RBFOX1: variants seen among roughly 807,000 people sequenced by gnomAD.
RBFOX1 encodes the protein RNA binding protein fox-1 homolog 1.
A neutral mutation model predicts 57.7 loss-of-function variants in RBFOX1; 8 were observed. That is an observed-to-expected ratio of 0.14 (90% CI 0.08 to 0.25). The LOEUF (loss-of-function observed/expected upper bound fraction) is 0.25, where lower values mean the gene tolerates loss of function less well. RBFOX1 is among the 10% of genes least tolerant of loss of function. The probability of loss-of-function intolerance (pLI) is 1.00; values close to 1 mark genes in which losing one functional copy is unlikely to be tolerated. For synonymous variants in RBFOX1, 326 were observed against 222.4 expected, an observed-to-expected ratio of 1.47 and a Z score of -4.15; for missense variants, 611 against 548.5, an observed-to-expected ratio of 1.11 and a Z score of -1.14.
rs1377601926 is a variant in RBFOX1 at position 6,483,273 on chromosome 16, T to A, written c.-64+166216T>A. ...CCCTTTGTGCGCGCCCGGGTGTTGA[T>A]TGCCTCCTTGCACGGGCTGCTCGCT... On this transcript the variant is annotated intron_variant, in intron 2 of 15. Coordinates refer to ENST00000550418, the MANE Select transcript of RBFOX1 (RefSeq NM_018723.4). The A allele has an allele frequency of 4.5e-6, 6 of 1,329,576 alleles. No individual in the cohort carries two copies. In the African/African-American group the frequency reaches 7.8e-5, roughly 17 times the overall value. The allele number at this position is 1,329,576 out of a possible 1,614,324, so 82.4% of individuals were successfully genotyped here. A position where few individuals can be genotyped will look rare whatever the true frequency, so the allele number is the denominator to read the frequency against.
chr16:6,791,805 C>G (rs898795244), intron 3 of RBFOX1, among the ~76,000 whole-genome samples: 8 of 152,126 alleles, frequency 5.3e-5, no homozygotes, highest in Non-Finnish European at 8.8e-5. Context: ...AGTGGCATCC[C>G]TGTGTGTACA....
At chr16:6,510,093 C>T (rs550335941) in intron 2 of RBFOX1, among the ~76,000 whole-genome samples, 2 of 152,152 alleles carry the variant, frequency 1.3e-5, no homozygotes, top group Admixed American at 1.3e-4. Context: ...TTACTGAAAG[C>T]TTCTGACTGT....
chr16:5,615,995 C>A (rs1219063039), intron 3 of RBFOX1: 1 of 152,394 alleles, frequency 6.6e-6, no homozygotes, highest in East Asian at 1.9e-4. Context: ...ATGGTTTGAA[C>A]CTGAACCGTC....
intron 1 of RBFOX1, among the ~76,000 whole-genome samples, chr16:6,301,337 G>A (rs376263276): frequency 6.6e-6 from 1 of 152,238 alleles, no homozygotes; most frequent in Admixed American, 6.5e-5. Context: ...TTGTTTGTTT[G>A]TTTGTTTTTC....
intron 4 of RBFOX1, among the ~76,000 whole-genome samples, chr16:7,476,037 C>G (rs1324595717): frequency 2.0e-5 from 3 of 151,694 alleles, no homozygotes; most frequent in Non-Finnish European, 2.9e-5. Context: ...TCGATCATGG[C>G]TCACTGCAGC....
chr16:6,812,892 T>A (rs568940720), intron 3 of RBFOX1, among the ~76,000 whole-genome samples: 2 of 152,336 alleles, frequency 1.3e-5, no homozygotes, highest in South Asian at 4.1e-4. Context: ...GTCCATCATG[T>A]CAGAGTGACG....
intron 4 of RBFOX1, among the ~76,000 whole-genome samples, chr16:7,332,152 C>G (rs2096706556): frequency 6.6e-6 from 1 of 152,218 alleles, no homozygotes; most frequent in Non-Finnish European, 1.5e-5. Flanking sequence ...GAATCGGGCT[C>G]TGGAATGTGT....
chr16:5,792,528 A>G (rs527294182), intron 3 of RBFOX1, among the ~76,000 whole-genome samples: 2 of 152,352 alleles, frequency 1.3e-5, no homozygotes, highest in African/African-American at 4.8e-5. Context: ...TAAGGTAGAG[A>G]AAAGAAAATG....
At chr16:5,910,065 AAAAAC>A (rs2058569988) in intron 4 of RBFOX1, among the ~76,000 whole-genome samples, 1 of 151,984 alleles carries the variant, frequency 6.6e-6, no homozygotes, top group Non-Finnish European at 1.5e-5. Context: ...AACAAAAACA[AAAAAC>A]AAAAAAAAAA....
intron 4 of RBFOX1, among the ~76,000 whole-genome samples, chr16:7,111,498 C>T (rs1027023639): frequency 6.6e-6 from 1 of 152,096 alleles, no homozygotes; most frequent in Non-Finnish European, 1.5e-5. Context: ...GTGTGGAATA[C>T]AGTTCTGCTG....
intron 4 of RBFOX1, among the ~76,000 whole-genome samples, chr16:7,284,061 C>G (rs552815469): frequency 3.4e-4 from 52 of 152,330 alleles, no homozygotes; most frequent in African/African-American, 1.2e-3. Flanking sequence ...GCCTGACTAT[C>G]TCTGTGTAAT....
upstream of RBFOX1, among the ~76,000 whole-genome samples, chr16:6,016,425 C>T (rs1213431211): frequency 6.6e-6 from 1 of 152,148 alleles, no homozygotes; most frequent in Non-Finnish European, 1.5e-5. Context: ...GAAAAGCCCT[C>T]CTGGGTCACA....
chr16:5,793,849 A>G (rs1320478346), intron 3 of RBFOX1, among the ~76,000 whole-genome samples: 2 of 152,164 alleles, frequency 1.3e-5, no homozygotes, highest in Non-Finnish European at 2.9e-5. Context: ...CATACTCACA[A>G]ATGTACTGGG....
At chr16:7,190,168 C>G (rs1217134144) in intron 4 of RBFOX1, among the ~76,000 whole-genome samples, 1 of 152,112 alleles carries the variant, frequency 6.6e-6, no homozygotes, top group Non-Finnish European at 1.5e-5. Flanking sequence ...CGAGACCAGC[C>G]TTGCCAACAT....
chr16:6,792,442 C>T (rs896589556), intron 3 of RBFOX1, among the ~76,000 whole-genome samples: 6 of 152,080 alleles, frequency 3.9e-5, no homozygotes, highest in Non-Finnish European at 7.4e-5. Context: ...AAAGGTCAAC[C>T]TGTTCATACC....
intron 2 of RBFOX1, among the ~76,000 whole-genome samples, chr16:5,545,648 C>G (rs960973860): frequency 2.6e-5 from 4 of 151,968 alleles, no homozygotes; most frequent in Non-Finnish European, 5.9e-5. Flanking sequence ...AATTTAACAT[C>G]TATTCTCAAT....
In RBFOX1 at chr16:5,339,470, G is replaced by GGTTTT. The variant is rs1567354925; in HGVS notation, c.219+99365_219+99366insGTTTT. Among the ~76,000 whole-genome samples, 24 of 40,892 alleles carry GGTTTT rather than the reference G, an allele frequency of 5.9e-4. 3 individuals carry two copies. The highest frequency in any genetic ancestry group is 1.9e-3 in the Admixed American group (4 of 2,140). The allele number at this position is 40,892 out of a possible 152,430, so 26.8% of individuals were successfully genotyped here. On this transcript the variant is annotated intron_variant, in intron 1 of 2. Transcript: ENST00000585867. ...AAAAGCTAGAAGCTGCTTTTTCCGTGTTTTTTTTTTTTTTTTTTTTTTTTT... is the reference window on the plus strand; with the variant it reads ...AAAAGCTAGAAGCTGCTTTTTCCGTGGTTTTTTTTTTTTTTTTTTTTTTTTTTTTT...
Position 6,019,853 on chromosome 16 carries a change from G to A in RBFOX1, c.-266G>A, listed in dbSNP as rs756820305. Reference sequence around the variant, plus strand: ...GGGGCTGACCTGCCCGCGAAGTTGCGGACAGTGCGTGAGAAACCAGCACCC... The same window carrying A: ...GGGGCTGACCTGCCCGCGAAGTTGCAGACAGTGCGTGAGAAACCAGCACCC... On this transcript the variant is annotated 5_prime_UTR_variant, in exon 1 of 16. Transcript: ENST00000550418. This position sits in a 1 kb window ranked among gnomAD's most constrained non-coding sequence, Gnocchi z 4.2. The A allele has an allele frequency of 1.4e-5, 22 of 1,530,220 alleles. No homozygotes were observed. The African/African-American group carries it at 3.0e-4, about 21-fold the overall frequency. 94.8% of individuals were successfully genotyped at this position (1,530,220 alleles called of 1,614,324 possible).
intron 1 of RBFOX1, chr16:5,289,412 G>C: frequency 3.2e-6 from 1 of 316,378 alleles, no homozygotes. Flanking sequence ...CCATCATACC[G>C]AGATGTGCGA....
Sources: gnomAD v4.1 joint callset for allele counts (sites outside exome capture counted in the v4.1 genomes callset) on GRCh38, gnomAD v4.1.1 for gene constraint, Gnocchi (gnomAD v3.1) non-coding constraint, MANE v1.5 for transcripts, NCBI Gene and HGNC (gene_info 2026-07-23, HGNC 2026-07-21) for gene names.